SIPA1L2: variants seen among roughly 807,000 people sequenced by gnomAD.
SIPA1L2 encodes the protein signal induced proliferation associated 1 like 2.
SIPA1L2 carries 56 observed loss-of-function variants against 163.9 expected under a neutral mutation model. The observed-to-expected ratio is 0.34, with a 90% CI of 0.28 to 0.43. SIPA1L2 has a LOEUF of 0.43. SIPA1L2 is among the 20% of genes least tolerant of loss of function. The pLI is 1.00. For missense variants in SIPA1L2, 1,974 were observed against 2,193.5 expected, an observed-to-expected ratio of 0.90 and a Z score of 2.00; for synonymous variants, 877 against 865.7, an observed-to-expected ratio of 1.01 and a Z score of -0.23.
chr1:232,531,605 T>C (rs1656945092), intron 2 of SIPA1L2, among the ~76,000 whole-genome samples: 1 of 152,242 alleles, frequency 6.6e-6, no homozygotes, highest in Non-Finnish European at 1.5e-5. Flanking sequence ...ACAGGACAAG[T>C]ATTCTGGCAG....
intron 2 of SIPA1L2, among the ~76,000 whole-genome samples, chr1:232,541,474 G>A (rs1243516060): frequency 6.6e-6 from 1 of 152,270 alleles, no homozygotes; most frequent in African/African-American, 2.4e-5. Flanking sequence ...CCAAGTGCAA[G>A]TAAGGCTTTC....
chr1:232,451,119 T>A (rs931984622), intron 10 of SIPA1L2, among the ~76,000 whole-genome samples: 5 of 152,230 alleles, frequency 3.3e-5, no homozygotes, highest in African/African-American at 1.2e-4. Flanking sequence ...TTTACTTCTA[T>A]GACTAAGGTG....
At chr1:232,463,758 G>C (rs554522918) in intron 9 of SIPA1L2, among the ~76,000 whole-genome samples, 1 of 152,264 alleles carries the variant, frequency 6.6e-6, no homozygotes, top group South Asian at 2.1e-4. Flanking sequence ...AATTCTCTAG[G>C]TATATAAACT....
At chr1:232,452,760 G>A in intron 10 of SIPA1L2, among the ~76,000 whole-genome samples, 1 of 152,300 alleles carries the variant, frequency 6.6e-6, no homozygotes, top group East Asian at 1.9e-4. Flanking sequence ...CCATTAAAGA[G>A]AGAGTTTGGG....
At chr1:232,613,581 G>A (rs975189182) in intron 1 of SIPA1L2, among the ~76,000 whole-genome samples, 10 of 152,210 alleles carry the variant, frequency 6.6e-5, no homozygotes, top group African/African-American at 2.4e-4. Context: ...TAAACACTTA[G>A]AAGAATAGAG....
chr1:232,432,547 A>G (rs1547741), intron 15 of SIPA1L2, 76 bp from the exon 16 acceptor site: 1,287,089 of 1,367,762 alleles, frequency 0.94, 605,953 homozygotes, highest in East Asian at 1. Flanking sequence ...ATTCAGAGCC[A>G]CAAGGCTTTA....
chr1:232,499,867 G>T (rs1429826412), intron 3 of SIPA1L2, among the ~76,000 whole-genome samples: 1 of 152,192 alleles, frequency 6.6e-6, no homozygotes, highest in African/African-American at 2.4e-5. Context: ...AATGCTTATT[G>T]ATCATTTGGA....
intron 1 of SIPA1L2, among the ~76,000 whole-genome samples, chr1:232,618,683 C>T (rs984002358): frequency 4.1e-4 from 62 of 151,704 alleles, no homozygotes; most frequent in African/African-American, 1.4e-3. Flanking sequence ...CTTGTTACTC[C>T]GCATAATTTT....
At chr1:232,597,460 A>G (rs547643885) in intron 1 of SIPA1L2, among the ~76,000 whole-genome samples, 20 of 151,458 alleles carry the variant, frequency 1.3e-4, no homozygotes, top group East Asian at 5.9e-4. Context: ...GGCGGATCAC[A>G]AGGTCAGGAG....
At chr1:232,516,819 T>C (rs900590840) in intron 2 of SIPA1L2, among the ~76,000 whole-genome samples, 2 of 152,188 alleles carry the variant, frequency 1.3e-5, no homozygotes, top group African/African-American at 2.4e-5. Context: ...TCCTTATGCT[T>C]TGGTGAAGGA....
At chr1:232,571,955 C>T (rs1283927881) in intron 2 of SIPA1L2, among the ~76,000 whole-genome samples, 1 of 152,152 alleles carries the variant, frequency 6.6e-6, no homozygotes, top group Non-Finnish European at 1.5e-5. Context: ...TTCTTTATAG[C>T]AACACAAAAA....
At chr1:232,521,543 G>A (rs760400422) in intron 2 of SIPA1L2, among the ~76,000 whole-genome samples, 5 of 152,178 alleles carry the variant, frequency 3.3e-5, no homozygotes, top group Non-Finnish European at 7.3e-5. Flanking sequence ...CTCCATCTGG[G>A]TGGGGTCCTG....
At chr1:232,478,509 C>G (rs1233592419) in intron 7 of SIPA1L2, among the ~76,000 whole-genome samples, 4 of 152,076 alleles carry the variant, frequency 2.6e-5, no homozygotes, top group African/African-American at 9.7e-5. Flanking sequence ...AATTTATATA[C>G]TTTTATGAGT....
chr1:232,464,481 A>G (rs1262008273), intron 9 of SIPA1L2, among the ~76,000 whole-genome samples: 2 of 152,220 alleles, frequency 1.3e-5, no homozygotes, highest in African/African-American at 2.4e-5. Flanking sequence ...AGTCAACAGC[A>G]ATTCTGTTGT....
At chr1:232,618,075 C>A (rs539212802) in intron 1 of SIPA1L2, among the ~76,000 whole-genome samples, 1 of 152,264 alleles carries the variant, frequency 6.6e-6, no homozygotes, top group South Asian at 2.1e-4. Context: ...ACAATATTTT[C>A]AGCTTTTCTG....
intron 3 of SIPA1L2, among the ~76,000 whole-genome samples, chr1:232,498,052 C>T (rs1354582496): frequency 6.6e-6 from 1 of 152,172 alleles, no homozygotes; most frequent in Non-Finnish European, 1.5e-5. Flanking sequence ...TCAATCCAAA[C>T]ATCATTTCCA....
chr1:232,579,745 C>A (rs1660273443), intron 1 of SIPA1L2, among the ~76,000 whole-genome samples: 1 of 152,158 alleles, frequency 6.6e-6, no homozygotes, highest in Non-Finnish European at 1.5e-5. Context: ...ACTCTCCAAG[C>A]TCGATGAAAA....
At chr1:232,509,973 C>T (rs558487042) in intron 3 of SIPA1L2, among the ~76,000 whole-genome samples, 1 of 152,292 alleles carries the variant, frequency 6.6e-6, no homozygotes, top group African/African-American at 2.4e-5. Context: ...CACAGAATCA[C>T]AGAACACTGA....
At chr1:232,456,896 T>C (rs970246946) in intron 10 of SIPA1L2, among the ~76,000 whole-genome samples, 10 of 152,122 alleles carry the variant, frequency 6.6e-5, no homozygotes, top group Non-Finnish European at 1.3e-4. Flanking sequence ...TCCCAATGTA[T>C]ATGAATTCAC....
Sources: allele counts gnomAD v4.1 joint callset (sites outside exome capture counted in the v4.1 genomes callset), GRCh38; gene constraint gnomAD v4.1.1; transcripts MANE v1.5; gene names NCBI Gene and HGNC (gene_info 2026-07-23, HGNC 2026-07-21).